Variants in GPD1L observed in about 807,000 individuals in gnomAD.
The protein encoded by GPD1L is glycerol-3-phosphate dehydrogenase 1 like, also known as glycerol-3-phosphate dehydrogenase 1-like protein.
Under a neutral mutation model 32.9 loss-of-function variants are expected in GPD1L, and 17 were observed. The ratio of observed to expected loss-of-function variants is 0.52; its 90% CI spans 0.35 to 0.78. The LOEUF is 0.78. GPD1L is among the 30% of genes least tolerant of loss of function. The pLI, the probability that GPD1L is intolerant of heterozygous loss-of-function variation, is 0.01. For missense variants in GPD1L, 361 were observed against 447.8 expected (o/e 0.81, Z 1.75); for synonymous variants, 187 against 165.9 (o/e 1.13, Z -0.98).
intron 1 of GPD1L, among the ~76,000 whole-genome samples, chr3:32,114,586 C>T (rs1182372466): frequency 6.6e-6 from 1 of 152,244 alleles, no homozygotes; most frequent in African/African-American, 2.4e-5. Flanking sequence ...GCATAACCTT[C>T]AGTTTGAGAA....
intron 3 of GPD1L, among the ~76,000 whole-genome samples, chr3:32,139,580 G>A (rs534608694): frequency 4.7e-4 from 71 of 152,290 alleles, no homozygotes; most frequent in South Asian, 1.7e-3. Context: ...GGCCCATGTC[G>A]TTGGAAAGAT....
chr3:32,159,515 A>G, intron 6 of GPD1L, 53 bp from the exon 7 acceptor site: 1 of 998,838 alleles, frequency 1.0e-6, no homozygotes, highest in Admixed American at 2.0e-5. Context: ...CAAATAAATG[A>G]TTCTTTAGTC....
At chr3:32,156,760 T>A (rs75427109) in intron 5 of GPD1L, among the ~76,000 whole-genome samples, 1,884 of 152,340 alleles carry the variant, frequency 0.012, 42 homozygotes, top group African/African-American at 0.042. Flanking sequence ...GCCTGTGTAC[T>A]AGAGAAGACA....
intron 5 of GPD1L, among the ~76,000 whole-genome samples, chr3:32,153,882 G>A (rs1474934169): frequency 6.6e-6 from 1 of 152,204 alleles, no homozygotes; most frequent in Non-Finnish European, 1.5e-5. Flanking sequence ...ACACTCAAGA[G>A]TGGATGATTG....
At chr3:32,160,257 T>G (rs1159447096) in intron 7 of GPD1L, among the ~76,000 whole-genome samples, 69 of 127,748 alleles carry the variant, frequency 5.4e-4, no homozygotes, top group Middle Eastern at 0.011. Flanking sequence ...GATAGATGGA[T>G]GGATGGATGA....
intron 2 of GPD1L, among the ~76,000 whole-genome samples, chr3:32,135,960 C>T (rs1038500725): frequency 2.0e-5 from 3 of 152,178 alleles, no homozygotes; most frequent in African/African-American, 7.2e-5. Flanking sequence ...GGATCTGCCA[C>T]TAACGGTGGA....
intron 4 of GPD1L, among the ~76,000 whole-genome samples, chr3:32,144,866 G>A (rs1286278338): frequency 6.6e-6 from 1 of 151,044 alleles, no homozygotes; most frequent in Non-Finnish European, 1.5e-5. Context: ...ACCACGCCAG[G>A]CTAATTTTTG....
chr3:32,125,662 C>T (rs1039295944), intron 1 of GPD1L, among the ~76,000 whole-genome samples: 3 of 152,236 alleles, frequency 2.0e-5, no homozygotes, highest in Non-Finnish European at 4.4e-5. Context: ...CTTCCACTTT[C>T]TTCCACCTCT....
intron 5 of GPD1L, among the ~76,000 whole-genome samples, chr3:32,148,815 C>T (rs1002181757): frequency 5.9e-5 from 9 of 152,296 alleles, no homozygotes; most frequent in African/African-American, 2.2e-4. Context: ...TTGCTTTCAT[C>T]ACATAAATAA....
intron 7 of GPD1L, among the ~76,000 whole-genome samples, chr3:32,164,355 G>A (rs1302196477): frequency 6.6e-6 from 1 of 152,190 alleles, no homozygotes; most frequent in Non-Finnish European, 1.5e-5. Context: ...GAATTCTCAC[G>A]GAGCACCTGC....
intron 4 of GPD1L, among the ~76,000 whole-genome samples, chr3:32,143,074 C>G (rs570117217): frequency 6.6e-6 from 1 of 152,088 alleles, no homozygotes; most frequent in Non-Finnish European, 1.5e-5. Context: ...GTCCCAGCTA[C>G]TCAGGAGACT....
In GPD1L at chr3:32,168,111, G is replaced by A. The variant is rs1024662270; in HGVS notation, c.*2201G>A. On this transcript the variant is annotated 3_prime_UTR_variant, in exon 8 of 8. Coordinates refer to ENST00000282541, the MANE Select transcript of GPD1L (RefSeq NM_015141.4). ...AGCTTCTTACTCTGGGTTTGTACTCGAGTGTTATTTCTTTACAAATGCCCT... is the reference window on the plus strand; with the variant it reads ...AGCTTCTTACTCTGGGTTTGTACTCAAGTGTTATTTCTTTACAAATGCCCT... 3 of 152,134 alleles carry A rather than the reference G, an allele frequency of 2.0e-5. No homozygotes were observed. The highest frequency in any genetic ancestry group is 6.6e-5 in the Admixed American group (1 of 15,260). 9.4% of individuals were successfully genotyped at this position (152,134 alleles called of 1,614,324 possible).
intron 1 of GPD1L, among the ~76,000 whole-genome samples, chr3:32,125,311 C>G (rs1409638665): frequency 6.6e-6 from 1 of 152,248 alleles, no homozygotes; most frequent in East Asian, 1.9e-4. Flanking sequence ...TCTCCCCTAA[C>G]TCAGCTGCTT....
intron 5 of GPD1L, among the ~76,000 whole-genome samples, chr3:32,150,214 C>G (rs189845560): frequency 2.6e-5 from 4 of 152,252 alleles, no homozygotes; most frequent in Admixed American, 6.5e-5. Flanking sequence ...AGTATGCACT[C>G]TTTTGTGTCT....
intron 4 of GPD1L, among the ~76,000 whole-genome samples, chr3:32,146,236 G>T (rs1700823714): frequency 6.6e-6 from 1 of 151,906 alleles, no homozygotes; most frequent in South Asian, 2.1e-4. Context: ...ACAGGTACGT[G>T]CCACCACGCC....
intron 1 of GPD1L, among the ~76,000 whole-genome samples, chr3:32,121,575 CTA>C (rs367683244): frequency 0.033 from 3,409 of 103,966 alleles, 739 homozygotes; most frequent in African/African-American, 0.12. Flanking sequence ...GTATATATTT[CTA>C]TATATATATT....
At chr3:32,153,727 G>C (rs1279054815) in intron 5 of GPD1L, among the ~76,000 whole-genome samples, 1 of 152,236 alleles carries the variant, frequency 6.6e-6, no homozygotes, top group Non-Finnish European at 1.5e-5. Context: ...TGGGGAGGCA[G>C]TTCTTGCTGG....
At chr3:32,146,506 C>A in intron 4 of GPD1L, 116 bp from the exon 5 acceptor site, 2 of 717,648 alleles carry the variant, frequency 2.8e-6, no homozygotes, top group Non-Finnish European at 5.1e-6. Flanking sequence ...TTCTAAATAT[C>A]CTATCATGAA....
intron 5 of GPD1L, among the ~76,000 whole-genome samples, chr3:32,149,325 T>G (rs2125492293): frequency 6.6e-6 from 1 of 152,322 alleles, no homozygotes; most frequent in Admixed American, 6.5e-5. Context: ...ACTCCCAAAG[T>G]GCTGGGATTA....
Sources: gnomAD v4.1 joint callset for allele counts (sites outside exome capture counted in the v4.1 genomes callset) on GRCh38, gnomAD v4.1.1 for gene constraint, MANE v1.5 for transcripts, NCBI Gene and HGNC (gene_info 2026-07-23, HGNC 2026-07-21) for gene names.